The following PRSS35 variants were observed in gnomAD, a reference collection of about 807,000 sequenced individuals.
PRSS35 encodes the protein inactive serine protease 35.
PRSS35 carries 7 observed loss-of-function variants against 8.1 expected under a neutral mutation model. That is an observed-to-expected ratio of 0.86 (90% CI 0.49 to 1.62). The LOEUF (loss-of-function observed/expected upper bound fraction) is 1.62. Among genes scored for constraint, PRSS35 ranks in the 40% most tolerant of loss-of-function variants. The pLI is 0.00. For missense variants in PRSS35, 566 were observed against 518.0 expected, an observed-to-expected ratio of 1.09 and a Z score of -0.90; for synonymous variants, 199 against 188.7, an observed-to-expected ratio of 1.05 and a Z score of -0.45.
rs1771869047 is a variant in PRSS35, at chr6:83,523,740, TTCAAGATTTGGTTCTTGAGCCGAC to T, written c.304_327del (p.Asp102_Gln109del). On this transcript the variant is annotated inframe_deletion, in exon 2 of 2. Coordinates refer to ENST00000369700, the MANE Select transcript of PRSS35 (RefSeq NM_153362.3). ...ACCCGAACCTTAACCAGGGTGAAAG[TTCAAGATTTGGTTCTTGAGCCGAC>T]TCAAAATATCACCACAAAGGGAGTA... 1 of 1,614,188 alleles carries T rather than the reference TTCAAGATTTGGTTCTTGAGCCGAC, an allele frequency of 6.2e-7. No individual in the cohort carries two copies.
chr6:83,522,316 C>T (rs1771837272), intron 1 of PRSS35, among the ~76,000 whole-genome samples: 1 of 152,026 alleles, frequency 6.6e-6, no homozygotes, highest in South Asian at 2.1e-4. Context: ...CAGCATGCTC[C>T]TACTATACCC....
chr6:83,524,032 C>A lies in PRSS35; in HGVS notation c.591C>A (p.Gly197=), dbSNP rs1771876908. The A allele has an allele frequency of 6.2e-7, 1 of 1,613,990 alleles. No individual in the cohort carries two copies. The highest frequency in any genetic ancestry group is 8.5e-7 in the Non-Finnish European group (1 of 1,180,016). The change falls in exon 2 of 2, where the codon GGC becomes GGA. Residue 197 remains glycine (G), a synonymous_variant. Coordinates refer to ENST00000369700, the MANE Select transcript of PRSS35 (RefSeq NM_153362.3). ...TGAAGATGAGGAATAAAAGTGGAGGCAAGAAACGTCGAGGTTCTAAGAGGA... is the reference window on the plus strand; with the variant it reads ...TGAAGATGAGGAATAAAAGTGGAGGAAAGAAACGTCGAGGTTCTAAGAGGA... The part of the protein sequence containing the change: ...GLLKMRNKSG[G]KKRRGSKRSR...
At position 83,524,520 on chromosome 6, in the gene PRSS35, A is replaced by G. The variant is rs1364381204; in HGVS notation, c.1079A>G (p.Lys360Arg). ...VYLRLKDPDK[K>R]NWKRKIIAVY... Reference sequence around the variant, plus strand: ...CTGCGTCTGAAAGATCCAGACAAAAAGAATTGGAAGCGCAAAATCATTGCG... The same window carrying G: ...CTGCGTCTGAAAGATCCAGACAAAAGGAATTGGAAGCGCAAAATCATTGCG... Residue 360 changes from lysine to arginine, a missense_variant, in exon 2 of 2, where the codon AAG becomes AGG. Physicochemically the swap from Lys to Arg is conservative, Grantham distance 26 (BLOSUM62 2). Transcript: ENST00000369700. The G allele has an allele frequency of 3.7e-6, 6 of 1,614,082 alleles. No individual in the cohort carries two copies. Among genetic ancestry groups the G allele is most frequent in the Non-Finnish European group, 4.2e-6 (5 of 1,180,052 alleles).
In PRSS35 at chr6:83,524,046, G is replaced by C. The variant is rs1771877440; in HGVS notation, c.605G>C (p.Gly202Ala). The stretch of plus-strand genomic sequence containing the variant: ...AAAAGTGGAGGCAAGAAACGTCGAG[G>C]TTCTAAGAGGAGCAGGAGAGAAGCT... Reference protein sequence around the residue: ...RNKSGGKKRRGSKRSRREASG... With the variant: ...RNKSGGKKRRASKRSRREASG... The change falls in exon 2 of 2, where the codon GGT becomes GCT. Residue 202 changes from glycine (G) to alanine (A), a missense_variant. Transcript: ENST00000369700. 9 of 1,614,174 alleles carry C rather than the reference G, an allele frequency of 5.6e-6. No homozygotes were observed. Among genetic ancestry groups the C allele is most frequent in the Non-Finnish European group, 7.6e-6 (9 of 1,180,038 alleles).
At chr6:83,513,651 T>C (rs1050629548) in intron 1 of PRSS35, among the ~76,000 whole-genome samples, 1 of 152,230 alleles carries the variant, frequency 6.6e-6, no homozygotes, top group Non-Finnish European at 1.5e-5. Context: ...TCATATGGAA[T>C]TTTATTTTTA....
Position 83,524,844 on chromosome 6 carries a change from T to C in PRSS35, c.*161T>C. 1.3e-6 allele frequency: 1 copy of C among 773,172 alleles called. No individual in the cohort carries two copies. The highest frequency in any genetic ancestry group is 2.0e-6 in the Non-Finnish European group (1 of 493,278). 47.9% of individuals were successfully genotyped at this position (773,172 alleles called of 1,614,324 possible). ...GAGATTTTCGTCCATTTAAAAAATG[T>C]ATAGGTGCAGATATTGAAACTAGGT... On this transcript the variant is annotated 3_prime_UTR_variant, in exon 2 of 2. Coordinates refer to ENST00000369700, the MANE Select transcript of PRSS35 (RefSeq NM_153362.3).
Position 83,523,849 on chromosome 6 carries a change from A to C in PRSS35, c.408A>C (p.Lys136Asn). 1 of 1,614,196 alleles carries C rather than the reference A, an allele frequency of 6.2e-7. No homozygotes were observed. Among genetic ancestry groups the C allele is most frequent in the African/African-American group, 1.3e-5 (1 of 75,066 alleles). Residue 136 changes from lysine (K) to asparagine (N), a missense_variant, in exon 2 of 2, where the codon AAA becomes AAC. Physicochemically the swap from Lys to Asn is moderately conservative, Grantham distance 94. Transcript: ENST00000369700. ...GTDSRFSILD[K>N]RFLTNFPFST... ...ACAGCAGGTTCAGCATCTTGGACAA[A>C]AGGTTCTTAACCAATTTCCCTTTCA...
In PRSS35 at chr6:83,524,408, CG is replaced by C; in HGVS notation, c.969del (p.Cys325AlafsTer30). 1 of 1,614,176 alleles carries C rather than the reference CG, an allele frequency of 6.2e-7. No homozygotes were observed. The highest frequency in any genetic ancestry group is 1.1e-5 in the South Asian group (1 of 91,078). On this transcript the variant is annotated frameshift_variant, in exon 2 of 2. Transcript: ENST00000369700. LOFTEE classifies it high-confidence loss of function. ...CGATAGGGCTGATCAGTTGGTCTAT[CG>C]GTTTTGCAGTGTGTCCGACGAATCC... Reference protein sequence around the residue: ...DNDRADQLVYRFCSVSDESND... With the variant: ...DNDRADQLVYXFCSVSDESND...
At chr6:83,521,716 G>T (rs962141597) in intron 1 of PRSS35, among the ~76,000 whole-genome samples, 1 of 151,790 alleles carries the variant, frequency 6.6e-6, no homozygotes, top group Non-Finnish European at 1.5e-5. Context: ...TGCCCAATCT[G>T]GTCTTGAATT....
At chr6:83,522,518 C>T (rs938822486) in intron 1 of PRSS35, among the ~76,000 whole-genome samples, 1 of 152,136 alleles carries the variant, frequency 6.6e-6, no homozygotes, top group African/African-American at 2.4e-5. Context: ...GATGGTGAGA[C>T]CTACGGTGAA....
chr6:83,524,255 A>C lies in PRSS35; in HGVS notation c.814A>C (p.Thr272Pro). 3 of 1,614,130 alleles carry C rather than the reference A, an allele frequency of 1.9e-6. No homozygotes were observed. The highest frequency in any genetic ancestry group is 2.5e-6 in the Non-Finnish European group (3 of 1,180,022). ...GGCACGAGGAGGCATGGGGGACGCT[A>C]CCTTGGACTATGACTATGCTCTTCT... ...GWARGGMGDATLDYDYALLEL... is the reference protein window; with the variant it reads ...GWARGGMGDAPLDYDYALLEL... The change falls in exon 2 of 2, where the codon ACC becomes CCC. Residue 272 changes from threonine to proline, a missense_variant. Transcript: ENST00000369700.
At chr6:83,521,675 T>A (rs1771825227) in intron 1 of PRSS35, among the ~76,000 whole-genome samples, 1 of 151,646 alleles carries the variant, frequency 6.6e-6, no homozygotes, top group Non-Finnish European at 1.5e-5. Context: ...TTTTTAAAAG[T>A]TTTTTTTGTA....
In PRSS35 at chr6:83,524,272, T is replaced by C. The variant is rs1000294285; in HGVS notation, c.831T>C (p.Tyr277=). 23 of 1,614,038 alleles carry C rather than the reference T, an allele frequency of 1.4e-5. No homozygotes were observed. Among genetic ancestry groups the C allele is most frequent in the African/African-American group, 4.0e-5 (3 of 74,920 alleles). ...GGGACGCTACCTTGGACTATGACTA[T>C]GCTCTTCTGGAGCTGAAGCGTGCTC... The part of the protein sequence containing the change: ...GMGDATLDYD[Y]ALLELKRAHK... The change falls in exon 2 of 2, where the codon TAT becomes TAC. Residue 277 remains tyrosine (Y), a synonymous_variant. Transcript: ENST00000369700.
At position 83,523,575 on chromosome 6, in the gene PRSS35, T is replaced by A. The variant is rs1245840041; in HGVS notation, c.134T>A (p.Leu45His). The stretch of plus-strand genomic sequence containing the variant: ...ATTGTCAGTGAAAGGACTTTCCATC[T>A]CACCAGCCCCGCATTTGAGGCAGAT... ...PRIVSERTFHLTSPAFEADAK... is the reference protein window; with the variant it reads ...PRIVSERTFHHTSPAFEADAK... Residue 45 changes from leucine (L) to histidine (H), a missense_variant, in exon 2 of 2, where the codon CTC becomes CAC. Physicochemically the swap from Leu to His is moderately conservative, Grantham distance 99 (BLOSUM62 -3). Coordinates refer to ENST00000369700, the MANE Select transcript of PRSS35 (RefSeq NM_153362.3). 1 of 1,614,076 alleles carries A rather than the reference T, an allele frequency of 6.2e-7. No individual in the cohort carries two copies. The highest frequency in any genetic ancestry group is 1.3e-5 in the African/African-American group (1 of 74,926).
Position 83,524,747 on chromosome 6 carries a change from A to C in PRSS35, c.*64A>C, listed in dbSNP as rs1054237718. 6.8e-7 allele frequency: 1 copy of C among 1,471,992 alleles called. No homozygotes were observed. The highest frequency in any genetic ancestry group is 1.4e-5 in the African/African-American group (1 of 71,000). 91.2% of individuals were successfully genotyped at this position (1,471,992 alleles called of 1,614,324 possible). A position where few individuals can be genotyped will look rare whatever the true frequency, so the allele number is the denominator to read the frequency against. On this transcript the variant is annotated 3_prime_UTR_variant, in exon 2 of 2. Transcript: ENST00000369700. ...AGAGAAAACCAGCTCTGCTTACCGT[A>C]GTGAGATCACTTCATAGGTTATGCC...
chr6:83,523,895 A>T lies in PRSS35; in HGVS notation c.454A>T (p.Thr152Ser), dbSNP rs1175978569. The T allele has an allele frequency of 6.2e-7, 1 of 1,614,172 alleles. No individual in the cohort carries two copies. The highest frequency in any genetic ancestry group is 8.5e-7 in the Non-Finnish European group (1 of 1,180,024). ...FPFSTAVKLS[T>S]GCSGILISPQ... The stretch of plus-strand genomic sequence containing the variant: ...TTTCAGCACAGCTGTGAAGCTTTCC[A>T]CGGGCTGTAGTGGCATTCTCATTTC... Residue 152 changes from threonine (T) to serine (S), a missense_variant, in exon 2 of 2, where the codon ACG becomes TCG. By Grantham distance (58) the Thr-to-Ser change is moderately conservative (BLOSUM62 1). Transcript: ENST00000369700.
At chr6:83,521,482 C>G (rs1411049370) in intron 1 of PRSS35, among the ~76,000 whole-genome samples, 1 of 146,996 alleles carries the variant, frequency 6.8e-6, no homozygotes, top group Non-Finnish European at 1.5e-5. Context: ...CCTCCCCTCC[C>G]CTCCCTTCTC....
chr6:83,515,075 A>C (rs940465026), intron 1 of PRSS35, among the ~76,000 whole-genome samples: 8 of 152,300 alleles, frequency 5.3e-5, no homozygotes, highest in African/African-American at 1.9e-4. Context: ...TGGTAGCAAC[A>C]TGGATAACAG....
chr6:83,516,822 G>A (rs550146746), intron 1 of PRSS35, among the ~76,000 whole-genome samples: 1 of 151,916 alleles, frequency 6.6e-6, no homozygotes, highest in East Asian at 1.9e-4. Context: ...CTCTTAACCC[G>A]TCTGCCTCCT....
Sources: gnomAD v4.1 joint callset for allele counts (sites outside exome capture counted in the v4.1 genomes callset) on GRCh38, gnomAD v4.1.1 for gene constraint, MANE v1.5 for transcripts, NCBI Gene and HGNC (gene_info 2026-07-23, HGNC 2026-07-21) for gene names.